Variants in SHISA9 observed in about 807,000 individuals in gnomAD.
The protein encoded by SHISA9 is shisa family member 9.
SHISA9 carries 13 observed loss-of-function variants against 38.0 expected under a neutral mutation model. The observed-to-expected ratio is 0.34, with a 90% CI of 0.22 to 0.54. The LOEUF (loss-of-function observed/expected upper bound fraction) is 0.54. SHISA9 is among the 20% of genes least tolerant of loss of function. The pLI is 0.91. For synonymous variants in SHISA9, 275 were observed against 242.0 expected (o/e 1.14, Z -1.27); for missense variants, 538 against 575.8 (o/e 0.93, Z 0.67).
At chr16:13,125,048 T>G (rs1319036662) in intron 2 of SHISA9, among the ~76,000 whole-genome samples, 1 of 152,130 alleles carries the variant, frequency 6.6e-6, no homozygotes, top group Non-Finnish European at 1.5e-5. Flanking sequence ...TCCAGGACGT[T>G]GAAGTGGGCA....
the SHISA9 span, among the ~76,000 whole-genome samples, chr16:13,469,435 G>GAA: frequency 2.0e-4 from 25 of 124,580 alleles, no homozygotes; most frequent in East Asian, 1.5e-3. Context: ...AAGAAAGAAA[G>GAA]AGAAAGAAAG....
chr16:12,959,358 C>A (rs1028219972), intron 2 of SHISA9, among the ~76,000 whole-genome samples: 1 of 152,160 alleles, frequency 6.6e-6, no homozygotes, highest in Non-Finnish European at 1.5e-5. Context: ...ATTTCACTCA[C>A]TGAGAAAACA....
At chr16:12,938,812 G>T (rs965567319) in intron 2 of SHISA9, among the ~76,000 whole-genome samples, 3 of 151,904 alleles carry the variant, frequency 2.0e-5, no homozygotes, top group African/African-American at 7.3e-5. Context: ...GACTTTCCAT[G>T]CCATGTTGCC....
At chr16:13,255,021 C>T in the SHISA9 span, among the ~76,000 whole-genome samples, 8 of 152,152 alleles carry the variant, frequency 5.3e-5, no homozygotes, top group Non-Finnish European at 1.2e-4. Flanking sequence ...CTATATCATC[C>T]TCTTTTTCTT....
intron 2 of SHISA9, among the ~76,000 whole-genome samples, chr16:13,034,959 TA>T (rs1377085446): frequency 6.6e-6 from 1 of 152,190 alleles, no homozygotes; most frequent in Non-Finnish European, 1.5e-5. Flanking sequence ...CTAGACTAAA[TA>T]ACCAATTACA....
the SHISA9 span, among the ~76,000 whole-genome samples, chr16:13,465,464 T>A: frequency 1.3e-5 from 2 of 152,184 alleles, no homozygotes; most frequent in Non-Finnish European, 1.5e-5. Context: ...TGAAAAGATA[T>A]CACCTTAAGC....
At chr16:13,540,595 A>G in the SHISA9 span, among the ~76,000 whole-genome samples, 20,411 of 151,948 alleles carry the variant, frequency 0.13, 1,492 homozygotes, top group Middle Eastern at 0.19. Flanking sequence ...TCCCCTACTG[A>G]TTTTTCCTGG....
At chr16:13,191,611 C>T (rs1043159828) in intron 2 of SHISA9, among the ~76,000 whole-genome samples, 2 of 152,142 alleles carry the variant, frequency 1.3e-5, no homozygotes, top group Admixed American at 1.3e-4. Context: ...TTATAAGACA[C>T]CCAAAGATGC....
intron 2 of SHISA9, among the ~76,000 whole-genome samples, chr16:12,979,270 G>C (rs1168116608): frequency 6.0e-5 from 9 of 150,752 alleles, no homozygotes; most frequent in African/African-American, 1.9e-4. Context: ...TCGAGTATCT[G>C]CTATATGCAA....
At chr16:13,516,024 G>C in the SHISA9 span, among the ~76,000 whole-genome samples, 1 of 152,188 alleles carries the variant, frequency 6.6e-6, no homozygotes, top group Non-Finnish European at 1.5e-5. Flanking sequence ...TATTCCATCA[G>C]TTGCCTGTGA....
the SHISA9 span, among the ~76,000 whole-genome samples, chr16:13,391,618 G>C: frequency 1.3e-5 from 2 of 152,124 alleles, no homozygotes; most frequent in Admixed American, 1.3e-4. Flanking sequence ...GATCACCTGA[G>C]AGCTTAAAAA....
the SHISA9 span, among the ~76,000 whole-genome samples, chr16:13,263,485 T>C: frequency 1.3e-5 from 2 of 152,172 alleles, no homozygotes; most frequent in African/African-American, 2.4e-5. Context: ...TCCTCTTGCA[T>C]TGGCCATGTA....
intron 1 of SHISA9, chr16:12,910,631 T>C (rs1247474342): frequency 2.0e-6 from 2 of 985,350 alleles, no homozygotes; most frequent in Non-Finnish European, 2.4e-6. Flanking sequence ...TGTTTCAACA[T>C]AATTGTTGTT....
the SHISA9 span, among the ~76,000 whole-genome samples, chr16:13,526,208 G>C: frequency 6.6e-6 from 1 of 152,096 alleles, no homozygotes; most frequent in African/African-American, 2.4e-5. Context: ...TATCAAAACG[G>C]GTCTTCATTC....
At chr16:12,912,128 T>A (rs1045657894) in intron 1 of SHISA9, among the ~76,000 whole-genome samples, 4 of 151,124 alleles carry the variant, frequency 2.6e-5, no homozygotes, top group African/African-American at 9.7e-5. Context: ...CGTAAGACCA[T>A]ACAAAAAAGT....
intron 2 of SHISA9, among the ~76,000 whole-genome samples, chr16:13,145,913 C>T (rs143686575): frequency 2.6e-5 from 4 of 152,298 alleles, no homozygotes; most frequent in East Asian, 1.9e-4. Flanking sequence ...GAGGGCTGGG[C>T]GAGGTGGCTC....
intron 2 of SHISA9, among the ~76,000 whole-genome samples, chr16:13,169,562 A>T (rs1255533418): frequency 6.6e-6 from 1 of 152,220 alleles, no homozygotes; most frequent in East Asian, 1.9e-4. Context: ...TGGATGAAAA[A>T]CCACAACTCT....
intron 2 of SHISA9, among the ~76,000 whole-genome samples, chr16:13,170,952 G>T (rs2050680663): frequency 6.6e-6 from 1 of 151,952 alleles, no homozygotes; most frequent in South Asian, 2.1e-4. Flanking sequence ...CCACCGCGCT[G>T]GGCCTAAAAT....
At chr16:13,406,884 C>T in the SHISA9 span, among the ~76,000 whole-genome samples, 1 of 151,924 alleles carries the variant, frequency 6.6e-6, no homozygotes, top group Non-Finnish European at 1.5e-5. Context: ...GCCTGACCAA[C>T]ATAGAGAAAC....
Sources: allele counts gnomAD v4.1 joint callset (sites outside exome capture counted in the v4.1 genomes callset), GRCh38; gene constraint gnomAD v4.1.1; transcripts MANE v1.5; gene names NCBI Gene and HGNC (gene_info 2026-07-23, HGNC 2026-07-21).